The following PID1 variants were observed in gnomAD, a reference collection of about 807,000 sequenced individuals.
PID1 encodes the protein phosphotyrosine interaction domain containing 1.
In PID1, 10 loss-of-function variants were observed where a neutral mutation model predicts 19.1. The observed-to-expected ratio is 0.52, with a 90% CI of 0.32 to 0.89. The LOEUF is 0.89. PID1 is among the 40% of genes least tolerant of loss of function. The pLI, the probability that PID1 is intolerant of heterozygous loss-of-function variation, is 0.03. For synonymous variants in PID1, 130 were observed against 116.0 expected (o/e 1.12, Z -0.78); for missense variants, 248 against 285.3 (o/e 0.87, Z 0.94).
At chr2:229,035,780 C>T (rs2106169329) in intron 2 of PID1, among the ~76,000 whole-genome samples, 1 of 152,216 alleles carries the variant, frequency 6.6e-6, no homozygotes, top group Non-Finnish European at 1.5e-5. Flanking sequence ...TTCAAATGTC[C>T]ATACTGAGAC....
At chr2:229,250,858 G>A (rs1002655894) in intron 1 of PID1, among the ~76,000 whole-genome samples, 2 of 152,168 alleles carry the variant, frequency 1.3e-5, no homozygotes, top group Admixed American at 6.5e-5. Flanking sequence ...GGATCTACCC[G>A]GCATTTAACT....
At chr2:229,146,549 G>A (rs1017759310) in intron 2 of PID1, among the ~76,000 whole-genome samples, 2 of 151,146 alleles carry the variant, frequency 1.3e-5, no homozygotes, top group Non-Finnish European at 2.9e-5. Flanking sequence ...GTGTGTGTGT[G>A]TGTTTGACAA....
At chr2:229,139,045 GAA>G (rs1347995685) in intron 2 of PID1, among the ~76,000 whole-genome samples, 32 of 67,800 alleles carry the variant, frequency 4.7e-4, no homozygotes, top group Middle Eastern at 6.7e-3. Flanking sequence ...GAAAGAGAAA[GAA>G]AGAAAGAAAG....
intron 1 of PID1, among the ~76,000 whole-genome samples, chr2:229,214,989 C>T (rs1319042462): frequency 6.6e-6 from 1 of 152,090 alleles, no homozygotes; most frequent in Non-Finnish European, 1.5e-5. Context: ...TCTCTCTCTC[C>T]TTTCCTTAGG....
chr2:229,133,398 T>A (rs1559248399), intron 2 of PID1, among the ~76,000 whole-genome samples: 1 of 152,224 alleles, frequency 6.6e-6, no homozygotes, highest in East Asian at 1.9e-4. Flanking sequence ...GTGACTTGAG[T>A]AGTCCTCCTA....
intron 1 of PID1, among the ~76,000 whole-genome samples, chr2:229,268,081 T>C (rs1418303661): frequency 2.6e-5 from 4 of 152,092 alleles, no homozygotes; most frequent in Non-Finnish European, 5.9e-5. Flanking sequence ...AGGGCTCGAG[T>C]GGGATGCAAT....
chr2:229,232,035 C>T, intron 1 of PID1: 1 of 1,547,528 alleles, frequency 6.5e-7, no homozygotes, highest in African/African-American at 1.4e-5. Context: ...CAGTGGAAGG[C>T]TAAGGGGCAG....
At chr2:229,192,966 T>A (rs952378524) in intron 1 of PID1, among the ~76,000 whole-genome samples, 14 of 152,338 alleles carry the variant, frequency 9.2e-5, no homozygotes, top group African/African-American at 2.2e-4. Flanking sequence ...GCTGTTTCAG[T>A]CATCATATCC....
intron 2 of PID1, among the ~76,000 whole-genome samples, chr2:229,093,704 C>T (rs1694919841): frequency 6.6e-6 from 1 of 152,026 alleles, no homozygotes; most frequent in Non-Finnish European, 1.5e-5. Context: ...AAAATCATAC[C>T]ATCATCTCAA....
chr2:229,070,040 C>T lies in PID1; in HGVS notation c.178-43932G>A, dbSNP rs73998541. ...TCGCCTGCTAGGAGTCAGACCAGTG[C>T]TTGCTTTGAAGAAAACAAGCCAAAG... On this transcript the variant is annotated intron_variant, in intron 2 of 2. Coordinates refer to ENST00000392055, the MANE Select transcript of PID1 (RefSeq NM_001100818.2). Among the ~76,000 whole-genome samples the T allele has an allele frequency of 2.8e-3, 429 of 152,280 alleles. 2 individuals carry two copies. The highest frequency in any genetic ancestry group is 9.7e-3 in the African/African-American group (404 of 41,548).
At chr2:229,046,379 T>TGTGTGTGTGC (rs1352720954) in intron 2 of PID1, among the ~76,000 whole-genome samples, 11 of 144,166 alleles carry the variant, frequency 7.6e-5, no homozygotes, top group African/African-American at 2.6e-4. Context: ...TGTGTGTGTG[T>TGTGTGTGTGC]GCGTGTGTGT....
At chr2:229,108,401 G>A (rs1695221415) in intron 2 of PID1, among the ~76,000 whole-genome samples, 1 of 152,184 alleles carries the variant, frequency 6.6e-6, no homozygotes, top group Admixed American at 6.5e-5. Flanking sequence ...GCATGGGGGA[G>A]CAAACAGTGA....
chr2:229,231,804 T>G, intron 1 of PID1: 1 of 1,470,464 alleles, frequency 6.8e-7, no homozygotes. Flanking sequence ...GTGATGGCAT[T>G]TTACCAAACC....
intron 1 of PID1, among the ~76,000 whole-genome samples, chr2:229,211,733 G>A (rs1367562801): frequency 6.6e-6 from 1 of 152,176 alleles, no homozygotes; most frequent in Non-Finnish European, 1.5e-5. Context: ...CCAGACTCTG[G>A]CTGTGTTCTG....
intron 2 of PID1, among the ~76,000 whole-genome samples, chr2:229,064,196 G>T (rs1343311416): frequency 6.6e-6 from 1 of 152,140 alleles, no homozygotes; most frequent in East Asian, 1.9e-4. Flanking sequence ...TGGGGAGATT[G>T]GAGGCAGCGA....
At chr2:229,187,707 A>C (rs550378873) in intron 1 of PID1, among the ~76,000 whole-genome samples, 1 of 152,158 alleles carries the variant, frequency 6.6e-6, no homozygotes, top group East Asian at 1.9e-4. Context: ...CATTTCCATG[A>C]GCATAAAACA....
chr2:229,063,027 G>C (rs1443326372), intron 2 of PID1, among the ~76,000 whole-genome samples: 1 of 151,736 alleles, frequency 6.6e-6, no homozygotes, highest in Non-Finnish European at 1.5e-5. Context: ...TTCTTAGTCT[G>C]GCTAAAGGTT....
intron 2 of PID1, among the ~76,000 whole-genome samples, chr2:229,067,233 C>T (rs1574601194): frequency 1.3e-5 from 2 of 152,254 alleles, no homozygotes; most frequent in South Asian, 4.1e-4. Context: ...ATTAAATTAT[C>T]TCCACCTGGT....
chr2:229,174,723 G>GAAAAAA (rs11295094), intron 1 of PID1, among the ~76,000 whole-genome samples: 1 of 130,008 alleles, frequency 7.7e-6, no homozygotes, highest in African/African-American at 2.9e-5. Flanking sequence ...AATGCATGAA[G>GAAAAAA]AAAAAAAAAA....
Sources: allele counts gnomAD v4.1 joint callset (sites outside exome capture counted in the v4.1 genomes callset), GRCh38; gene constraint gnomAD v4.1.1; transcripts MANE v1.5; gene names NCBI Gene and HGNC (gene_info 2026-07-23, HGNC 2026-07-21).